CERS6: variants seen among roughly 807,000 people sequenced by gnomAD.
The protein encoded by CERS6 is ceramide synthase 6.
In CERS6, 26 loss-of-function variants were observed where a neutral mutation model predicts 56.8. The ratio of observed to expected loss-of-function variants is 0.46; its 90% CI spans 0.34 to 0.63. The LOEUF is 0.63. CERS6 is among the 30% of genes least tolerant of loss of function. The probability of loss-of-function intolerance (pLI) is 0.01; values close to 1 mark genes in which losing one functional copy is unlikely to be tolerated. For synonymous variants in CERS6, 164 were observed against 173.3 expected (o/e 0.95, Z 0.42); for missense variants, 415 against 467.5 (o/e 0.89, Z 1.04).
intron 6 of CERS6, among the ~76,000 whole-genome samples, chr2:168,696,622 G>C (rs1006173752): frequency 2.6e-5 from 4 of 152,246 alleles, no homozygotes; most frequent in East Asian, 1.9e-4. Context: ...CCAGATCAAG[G>C]CACCAGCAGA....
chr2:168,653,934 G>C (rs1384658377), intron 4 of CERS6, among the ~76,000 whole-genome samples: 2 of 152,180 alleles, frequency 1.3e-5, no homozygotes, highest in Non-Finnish European at 2.9e-5. Flanking sequence ...ACCTTGGGCT[G>C]AGATGATGCT....
chr2:168,747,499 G>T (rs1684141987), intron 8 of CERS6, among the ~76,000 whole-genome samples: 1 of 152,048 alleles, frequency 6.6e-6, no homozygotes, highest in Admixed American at 6.6e-5. Flanking sequence ...TTTCTTAAAA[G>T]ATAGATAACC....
intron 2 of CERS6, 110 bp downstream of exon 2, chr2:168,547,811 T>TA (rs1695494361): frequency 1.4e-6 from 1 of 727,558 alleles, no homozygotes; most frequent in South Asian, 1.6e-5. Flanking sequence ...TGCCTAGCCT[T>TA]ATGCTGGAGA....
chr2:168,764,840 A>T (rs1005291463), intron 8 of CERS6, among the ~76,000 whole-genome samples: 17 of 152,172 alleles, frequency 1.1e-4, no homozygotes, highest in Admixed American at 1.3e-4. Context: ...GCAAAAGTGA[A>T]GGGGGAAACA....
chr2:168,657,145 C>G (rs1378035429), intron 4 of CERS6, among the ~76,000 whole-genome samples: 1 of 152,206 alleles, frequency 6.6e-6, no homozygotes, highest in African/African-American at 2.4e-5. Context: ...CCGATTGGTG[C>G]AGTCACAAAC....
chr2:168,582,411 ACTATCT>A (rs1254180049), intron 3 of CERS6, among the ~76,000 whole-genome samples: 1 of 152,138 alleles, frequency 6.6e-6, no homozygotes, highest in African/African-American at 2.4e-5. Context: ...AGAGCTTCTT[ACTATCT>A]TGTCACCTCT....
chr2:168,744,005 T>C (rs1192761604), intron 8 of CERS6, among the ~76,000 whole-genome samples: 11 of 135,718 alleles, frequency 8.1e-5, no homozygotes, highest in East Asian at 2.0e-4. Context: ...CTTTTTTTTT[T>C]TTTTTTTTTT....
At chr2:168,744,719 C>A (rs781251813) in intron 8 of CERS6, among the ~76,000 whole-genome samples, 1 of 152,164 alleles carries the variant, frequency 6.6e-6, no homozygotes, top group Non-Finnish European at 1.5e-5. Flanking sequence ...CACACACAAT[C>A]ATAAATGACC....
At position 168,665,753 on chromosome 2, in the gene CERS6, C is replaced by G. The variant is rs536384972; in HGVS notation, c.466-25281C>G. 2.0e-5 allele frequency among the ~76,000 whole-genome samples: 3 copies of G among 152,308 alleles called. No homozygotes were observed. In the South Asian group the frequency reaches 6.2e-4, roughly 32 times the overall value. ...TGACTGACATACAGTAGTCAGTAAA[C>G]TCTCACTGAAATAAAACAAGATTAT... On this transcript the variant is annotated intron_variant, in intron 4 of 9. Coordinates refer to ENST00000305747, the MANE Select transcript of CERS6 (RefSeq NM_203463.3).
chr2:168,567,227 CA>C (rs1234887326), intron 3 of CERS6, among the ~76,000 whole-genome samples: 1 of 152,086 alleles, frequency 6.6e-6, no homozygotes, highest in Non-Finnish European at 1.5e-5. Context: ...TTCTGTAATT[CA>C]AAGTACATTG....
chr2:168,507,928 G>A (rs897363848), intron 1 of CERS6, among the ~76,000 whole-genome samples: 1 of 151,986 alleles, frequency 6.6e-6, no homozygotes, highest in African/African-American at 2.4e-5. Flanking sequence ...TGTGCCTTAA[G>A]CATAGGTAAT....
intron 1 of CERS6, among the ~76,000 whole-genome samples, chr2:168,499,290 C>T (rs1031241357): frequency 1.2e-4 from 19 of 152,096 alleles, no homozygotes; most frequent in African/African-American, 3.9e-4. Context: ...AGCCAAAAGG[C>T]GAGGTTACGA....
At chr2:168,714,720 A>G (rs553664265) in intron 6 of CERS6, among the ~76,000 whole-genome samples, 1 of 152,274 alleles carries the variant, frequency 6.6e-6, no homozygotes, top group South Asian at 2.1e-4. Context: ...TTGCCATATG[A>G]TGACACAGCT....
At position 168,579,528 on chromosome 2, in the gene CERS6, A is replaced by C. The variant is rs77326810; in HGVS notation, c.407+18206A>C. ...ATGAACTGCTCAGAGTTATCTGTGC[A>C]TTCCATCCCAGGGACCTCCACACCC... is the stretch of plus-strand genomic sequence containing the variant. On this transcript the variant is annotated intron_variant, in intron 3 of 9. Transcript: ENST00000305747. Among the ~76,000 whole-genome samples the C allele has an allele frequency of 4.3e-3, 655 of 152,210 alleles. 1 individual carries two copies. Among genetic ancestry groups the C allele is most frequent in the Non-Finnish European group, 6.8e-3 (465 of 68,002 alleles).
chr2:168,673,116 A>T (rs538624870), intron 4 of CERS6, among the ~76,000 whole-genome samples: 349 of 152,354 alleles, frequency 2.3e-3, no homozygotes, highest in Non-Finnish European at 4.2e-3. Context: ...AGCTATGAAG[A>T]GGGTGGGTAT....
At chr2:168,563,792 A>G (rs1033794802) in intron 3 of CERS6, among the ~76,000 whole-genome samples, 1 of 152,138 alleles carries the variant, frequency 6.6e-6, no homozygotes, top group Non-Finnish European at 1.5e-5. Context: ...GCAAGACTCC[A>G]TCTCAAAAAA....
At chr2:168,618,066 G>A (rs1328435525) in intron 3 of CERS6, among the ~76,000 whole-genome samples, 2 of 152,232 alleles carry the variant, frequency 1.3e-5, no homozygotes, top group Non-Finnish European at 2.9e-5. Context: ...AGGGATACAG[G>A]AGTGGTTTAA....
In CERS6 at chr2:168,617,931, A is replaced by G. The variant is rs754252633; in HGVS notation, c.408-13054A>G. 3.5e-4 allele frequency among the ~76,000 whole-genome samples: 54 copies of G among 152,304 alleles called. 1 individual carries two copies. The highest frequency in any genetic ancestry group is 6.2e-4 in the South Asian group (3 of 4,820). On this transcript the variant is annotated intron_variant, in intron 3 of 9. Transcript: ENST00000305747. ...AAAACCAAGAAAGGACATAACCAAA[A>G]AAGAAAACTACAGACCAATATCCCT...
At chr2:168,742,856 C>T (rs1228983318) in intron 8 of CERS6, among the ~76,000 whole-genome samples, 1 of 152,026 alleles carries the variant, frequency 6.6e-6, no homozygotes, top group Non-Finnish European at 1.5e-5. Flanking sequence ...AGTGGGGGGT[C>T]ATTAGAAGAC....
Sources: allele counts gnomAD v4.1 joint callset (sites outside exome capture counted in the v4.1 genomes callset), GRCh38; gene constraint gnomAD v4.1.1; transcripts MANE v1.5; gene names NCBI Gene and HGNC (gene_info 2026-07-23, HGNC 2026-07-21).